The following ZNF90 variants were observed in gnomAD, a reference collection of about 807,000 sequenced individuals.
ZNF90 encodes the protein zinc finger protein HTF9.
In ZNF90, 11 loss-of-function variants were observed where a neutral mutation model predicts 12.0. That is an observed-to-expected ratio of 0.92 (90% CI 0.58 to 1.52). The LOEUF (loss-of-function observed/expected upper bound fraction) is 1.52. ZNF90 is among the 40% of genes most tolerant of loss of function. ZNF90 has a pLI of 0.00. For synonymous variants in ZNF90, 232 were observed against 240.1 expected (o/e 0.97, Z 0.31); for missense variants, 765 against 711.5 (o/e 1.08, Z -0.86).
intron 1 of ZNF90, among the ~76,000 whole-genome samples, chr19:20,084,070 T>TTTTC (rs59806399): frequency 0.92 from 137,155 of 148,768 alleles, 62,932 homozygotes; most frequent in African/African-American, 0.96. Context: ...CATATTTTCT[T>TTTTC]TTTTTTTTTT....
chr19:20,084,585 G>C (rs1262629992), intron 1 of ZNF90, among the ~76,000 whole-genome samples: 2 of 152,066 alleles, frequency 1.3e-5, no homozygotes, highest in African/African-American at 4.8e-5. Flanking sequence ...TACAGTTTTT[G>C]AACTAATTTA....
rs2089174351 is a variant in ZNF90 at position 20,119,193 on chromosome 19, A to T, written c.1639A>T (p.Lys547Ter). 1 of 1,613,818 alleles carries T rather than the reference A, an allele frequency of 6.2e-7. No homozygotes were observed. The highest frequency in any genetic ancestry group is 8.5e-7 in the Non-Finnish European group (1 of 1,179,900). The change falls in exon 4 of 4, where the codon AAG (lysine) becomes TAG (stop). Residue 547 changes from lysine (K) to a stop codon, truncating the protein, a stop_gained. Transcript: ENST00000418063. LOFTEE classifies it low-confidence loss of function (END_TRUNC). ...YKCEECGKAFKRSSQLTSHKI... is the reference protein window; with the variant it reads ...YKCEECGKAF ...ATGTGAAGAATGTGGCAAAGCCTTT[A>T]AGCGCTCCTCACAGCTTACTAGTCA...
At chr19:20,110,614 T>C (rs896663132) in intron 3 of ZNF90, among the ~76,000 whole-genome samples, 2 of 152,218 alleles carry the variant, frequency 1.3e-5, no homozygotes, top group Non-Finnish European at 2.9e-5. Flanking sequence ...CATTTATAAC[T>C]TTTTAAAATA....
intron 3 of ZNF90, among the ~76,000 whole-genome samples, chr19:20,113,370 T>TTTAG (rs2089107212): frequency 6.6e-6 from 1 of 152,220 alleles, no homozygotes; most frequent in East Asian, 2.0e-4. Context: ...TCATTCATAC[T>TTTAG]TTAGTAGAGA....
intron 1 of ZNF90, among the ~76,000 whole-genome samples, chr19:20,091,733 C>G (rs1555702742): frequency 2.6e-5 from 4 of 151,450 alleles, no homozygotes; most frequent in African/African-American, 9.7e-5. Flanking sequence ...GATGGAGGAC[C>G]CTTGTGTAGT....
At chr19:20,098,689 C>T (rs2088966884) in intron 1 of ZNF90, among the ~76,000 whole-genome samples, 1 of 152,214 alleles carries the variant, frequency 6.6e-6, no homozygotes, top group Non-Finnish European at 1.5e-5. Flanking sequence ...GCCATGAGCC[C>T]AGGGTCACTG....
intron 1 of ZNF90, among the ~76,000 whole-genome samples, chr19:20,088,029 G>C (rs908047871): frequency 2.0e-5 from 3 of 152,204 alleles, no homozygotes; most frequent in Non-Finnish European, 2.9e-5. Context: ...GGTGGGGCAG[G>C]GCATATTCAC....
chr19:20,079,773 A>AC, intron 1 of ZNF90: 1 of 220,716 alleles, frequency 4.5e-6, no homozygotes, highest in East Asian at 1.3e-4. Flanking sequence ...TCATTGAGAA[A>AC]TATTTTGTTT....
intron 1 of ZNF90, among the ~76,000 whole-genome samples, chr19:20,102,681 T>TA (rs2088999074): frequency 1.3e-5 from 2 of 152,226 alleles, no homozygotes; most frequent in South Asian, 2.1e-4. Context: ...CATGAAAAGA[T>TA]ATGGATACTC....
intron 1 of ZNF90, among the ~76,000 whole-genome samples, chr19:20,091,779 G>A (rs1320715463): frequency 6.6e-6 from 1 of 152,216 alleles, no homozygotes; most frequent in African/African-American, 2.4e-5. Context: ...ACTGCATGGT[G>A]CTGCAGAATA....
rs782513898 is a variant in ZNF90, at chr19:20,104,316, T to C, written c.81T>C (p.Asn27=). 13 of 1,613,994 alleles carry C rather than the reference T, an allele frequency of 8.1e-6. No homozygotes were observed. Among genetic ancestry groups the C allele is most frequent in the Non-Finnish European group, 1.7e-6 (2 of 1,180,004 alleles). ...ATTGCCTGGACACTGCACAGCAGAA[T>C]TTATATAGGGATGTGATGTTAGAGA... The part of the protein sequence containing the change: ...EWHCLDTAQQ[N]LYRDVMLENY... The change falls in exon 2 of 4, where the codon AAT becomes AAC. Residue 27 remains asparagine, a synonymous_variant. Coordinates refer to ENST00000418063, the MANE Select transcript of ZNF90 (RefSeq NM_007138.2).
intron 3 of ZNF90, among the ~76,000 whole-genome samples, chr19:20,114,006 T>G (rs1555705427): frequency 6.6e-6 from 1 of 152,150 alleles, no homozygotes; most frequent in East Asian, 1.9e-4. Flanking sequence ...AATAAAATAT[T>G]TCTAGGCCGG....
chr19:20,090,073 T>G (rs1555702586), intron 1 of ZNF90, among the ~76,000 whole-genome samples: 1 of 151,582 alleles, frequency 6.6e-6, no homozygotes, highest in Admixed American at 6.6e-5. Flanking sequence ...TAAGAGGGAG[T>G]TAAGAGTGGT....
intron 1 of ZNF90, among the ~76,000 whole-genome samples, chr19:20,090,207 A>G (rs2088891704): frequency 6.6e-6 from 1 of 152,152 alleles, no homozygotes; most frequent in African/African-American, 2.4e-5. Flanking sequence ...GTATGACCGG[A>G]CAGAAGATAG....
chr19:20,093,672 G>C (rs1260897793), intron 1 of ZNF90, among the ~76,000 whole-genome samples: 4 of 152,126 alleles, frequency 2.6e-5, no homozygotes, highest in Non-Finnish European at 5.9e-5. Flanking sequence ...CAGAGTGGGG[G>C]AGTTTTCAGG....
intron 1 of ZNF90, among the ~76,000 whole-genome samples, chr19:20,096,520 TG>T (rs1375435323): frequency 1.3e-5 from 2 of 151,318 alleles, no homozygotes; most frequent in Non-Finnish European, 2.9e-5. Flanking sequence ...TGTTCTCTGG[TG>T]GGCAGGAGTG....
intron 2 of ZNF90, among the ~76,000 whole-genome samples, chr19:20,104,732 C>T (rs1555704218): frequency 1.3e-5 from 2 of 152,170 alleles, no homozygotes; most frequent in Non-Finnish European, 2.9e-5. Flanking sequence ...CAGTGGCTCA[C>T]ACCTGTAATC....
intron 3 of ZNF90, among the ~76,000 whole-genome samples, chr19:20,108,652 A>G (rs1226850606): frequency 2.0e-5 from 3 of 151,812 alleles, no homozygotes; most frequent in Admixed American, 6.6e-5. Flanking sequence ...TTAATGTAGC[A>G]TACCAGATTT....
In ZNF90 at chr19:20,119,455, T is replaced by A. The variant is rs1654275; in HGVS notation, c.*95T>A. ...GTTGGAAAGCCTTTGACCACCCCTC[T>A]ACTCTTACTAAATATGAGAATTTAT... On this transcript the variant is annotated 3_prime_UTR_variant, in exon 4 of 4. Transcript: ENST00000418063. 210,353 of 997,314 alleles carry A rather than the reference T, an allele frequency of 0.21. 34,919 individuals are homozygous for A. The highest frequency in any genetic ancestry group is 0.72 in the African/African-American group (44,031 of 61,372). The allele number at this position is 997,314 out of a possible 1,614,324, so 61.8% of individuals were successfully genotyped here. A position where few individuals can be genotyped will look rare whatever the true frequency, so the allele number is the denominator to read the frequency against.
Sources: allele counts gnomAD v4.1 joint callset (sites outside exome capture counted in the v4.1 genomes callset), GRCh38; gene constraint gnomAD v4.1.1; transcripts MANE v1.5; gene names NCBI Gene and HGNC (gene_info 2026-07-23, HGNC 2026-07-21).